Variants in EFL1 observed in about 807,000 individuals in gnomAD.
The protein encoded by EFL1 is elongation factor-like GTPase 1.
EFL1 carries 76 observed loss-of-function variants against 126.7 expected under a neutral mutation model. The observed-to-expected ratio is 0.60, with a 90% CI of 0.50 to 0.73. EFL1 has a LOEUF of 0.73. Ranked by LOEUF, EFL1 falls within the 30% of genes least tolerant of loss-of-function variation. The pLI, the probability that EFL1 is intolerant of heterozygous loss-of-function variation, is 0.00. For synonymous variants in EFL1, 410 were observed against 448.4 expected, an observed-to-expected ratio of 0.91 and a Z score of 1.08; for missense variants, 1,128 against 1,343.2, an observed-to-expected ratio of 0.84 and a Z score of 2.50.
rs1019289578 is a variant in EFL1 at position 82,164,489 on chromosome 15, C to G, written c.1751-505G>C. ...CCCTGTTTTAGAAGAGAATCCTAGT[C>G]AACCCCTTCCCCCTGCCATACACTC... On this transcript the variant is annotated intron_variant, in intron 15 of 19. Coordinates refer to ENST00000268206, the MANE Select transcript of EFL1 (RefSeq NM_024580.6). Among the ~76,000 whole-genome samples, 4 of 152,250 alleles carry G rather than the reference C, an allele frequency of 2.6e-5. No individual in the cohort carries two copies. The Middle Eastern group carries it at 0.014, about 518-fold the overall frequency.
chr15:82,188,522 C>G (rs997380468), intron 15 of EFL1, among the ~76,000 whole-genome samples: 1 of 152,220 alleles, frequency 6.6e-6, no homozygotes, highest in Non-Finnish European at 1.5e-5. Context: ...GTATCAAGAA[C>G]AATGTTATAA....
At chr15:82,206,574 T>C (rs1219915868) in intron 15 of EFL1, among the ~76,000 whole-genome samples, 2 of 152,200 alleles carry the variant, frequency 1.3e-5, no homozygotes, top group African/African-American at 2.4e-5. Context: ...TCCGAATATT[T>C]AGTATAATTT....
intron 1 of EFL1, 175 bp from the exon 2 acceptor site, chr15:82,261,972 A>G: frequency 1.8e-6 from 1 of 548,062 alleles, no homozygotes. Context: ...CGAGCACTAA[A>G]GTCAGTATCC....
intron 15 of EFL1, among the ~76,000 whole-genome samples, chr15:82,175,071 G>A (rs950216980): frequency 2.0e-5 from 3 of 152,210 alleles, no homozygotes; most frequent in Admixed American, 1.3e-4. Context: ...GGGAGACAGA[G>A]ATGAAGACAG....
intron 15 of EFL1, among the ~76,000 whole-genome samples, chr15:82,206,808 A>G (rs544378397): frequency 2.4e-4 from 37 of 152,126 alleles, no homozygotes; most frequent in Non-Finnish European, 5.3e-4. Context: ...CCAAAATTTT[A>G]GGGACCAGAA....
intron 4 of EFL1, among the ~76,000 whole-genome samples, chr15:82,249,309 A>G (rs1259769166): frequency 1.3e-5 from 2 of 151,468 alleles, no homozygotes; most frequent in Admixed American, 1.3e-4. Flanking sequence ...ATAAATATAT[A>G]CATTGAAATA....
chr15:82,134,934 A>G (rs1323004091), intron 19 of EFL1, among the ~76,000 whole-genome samples: 1 of 152,206 alleles, frequency 6.6e-6, no homozygotes, highest in Non-Finnish European at 1.5e-5. Flanking sequence ...TGTAAATTAT[A>G]TGGTGTGGTA....
At chr15:82,173,435 C>T (rs896114448) in intron 15 of EFL1, among the ~76,000 whole-genome samples, 11 of 152,104 alleles carry the variant, frequency 7.2e-5, no homozygotes, top group Admixed American at 6.5e-4. Flanking sequence ...GCTAACATTT[C>T]ACCAGGTATA....
intron 8 of EFL1, among the ~76,000 whole-genome samples, 198 bp from the exon 9 acceptor site, chr15:82,229,308 C>T (rs752744430): frequency 6.6e-6 from 1 of 152,138 alleles, no homozygotes; most frequent in African/African-American, 2.4e-5. Context: ...ACTGTTCTTT[C>T]CTCTGGGAAC....
At chr15:82,138,430 A>ATGTGTATGTG (rs2073747343) in intron 19 of EFL1, among the ~76,000 whole-genome samples, 1 of 146,014 alleles carries the variant, frequency 6.8e-6, no homozygotes, top group African/African-American at 2.5e-5. Context: ...GAGAGAGTGT[A>ATGTGTATGTG]TGTGTGTGTG....
intron 7 of EFL1, among the ~76,000 whole-genome samples, chr15:82,231,704 T>C (rs1270437945): frequency 3.3e-5 from 5 of 151,078 alleles, no homozygotes; most frequent in Admixed American, 1.3e-4. Context: ...CACACCATAC[T>C]GAAAGCCCAA....
At chr15:82,209,316 G>C (rs200601868) in intron 15 of EFL1, among the ~76,000 whole-genome samples, 17,192 of 146,514 alleles carry the variant, frequency 0.12, 2,467 homozygotes, top group African/African-American at 0.3. Context: ...CACAGACACA[G>C]ACACACACAC....
intron 15 of EFL1, among the ~76,000 whole-genome samples, chr15:82,186,379 C>T (rs979080976): frequency 1.3e-5 from 2 of 152,194 alleles, no homozygotes; most frequent in Non-Finnish European, 2.9e-5. Context: ...ACTATATTGT[C>T]TGGCTCTTTA....
chr15:82,153,346 A>G (rs1163293146), intron 17 of EFL1, among the ~76,000 whole-genome samples: 1 of 152,222 alleles, frequency 6.6e-6, no homozygotes, highest in Non-Finnish European at 1.5e-5. Flanking sequence ...TTGATATTCA[A>G]ACCTGACAAA....
chr15:82,185,969 A>G (rs773965032), intron 15 of EFL1, among the ~76,000 whole-genome samples: 9 of 152,096 alleles, frequency 5.9e-5, no homozygotes, highest in Non-Finnish European at 8.8e-5. Flanking sequence ...ACATTTAACT[A>G]TTGTACTCAT....
intron 15 of EFL1, among the ~76,000 whole-genome samples, chr15:82,211,185 G>A (rs529257922): frequency 6.6e-6 from 1 of 152,024 alleles, no homozygotes; most frequent in Admixed American, 6.6e-5. Flanking sequence ...ATTACCTGTG[G>A]CTGCCAGCTA....
intron 15 of EFL1, among the ~76,000 whole-genome samples, chr15:82,186,544 A>G (rs1433087509): frequency 6.6e-6 from 1 of 152,190 alleles, no homozygotes; most frequent in Non-Finnish European, 1.5e-5. Flanking sequence ...AAGGCTAGCC[A>G]CTTTTTTTTG....
intron 14 of EFL1, among the ~76,000 whole-genome samples, chr15:82,219,075 TTTAA>T (rs1464924858): frequency 1.3e-5 from 2 of 152,218 alleles, no homozygotes; most frequent in Admixed American, 1.3e-4. Flanking sequence ...ACCTCTATTA[TTTAA>T]TTATGATATA....
chr15:82,136,838 A>C (rs1340590994), intron 19 of EFL1, among the ~76,000 whole-genome samples: 1 of 152,238 alleles, frequency 6.6e-6, no homozygotes, highest in Non-Finnish European at 1.5e-5. Flanking sequence ...AAATTCAGCA[A>C]TATCGCATCA....
Sources: gnomAD v4.1 joint callset for allele counts (sites outside exome capture counted in the v4.1 genomes callset) on GRCh38, gnomAD v4.1.1 for gene constraint, MANE v1.5 for transcripts, NCBI Gene and HGNC (gene_info 2026-07-23, HGNC 2026-07-21) for gene names.